The following PDE7B variants were observed in gnomAD, a reference collection of about 807,000 sequenced individuals.
The protein encoded by PDE7B is phosphodiesterase 7B, also known as 3',5'-cyclic-AMP phosphodiesterase 7B.
In PDE7B, 29 loss-of-function variants were observed where a neutral mutation model predicts 56.2. The ratio of observed to expected loss-of-function variants is 0.52; its 90% CI spans 0.38 to 0.70. The LOEUF is 0.70. Ranked by LOEUF, PDE7B falls within the 30% of genes least tolerant of loss-of-function variation. The probability of loss-of-function intolerance (pLI) is 0.00; values close to 1 mark genes in which losing one functional copy is unlikely to be tolerated. For missense variants in PDE7B, 490 were observed against 565.0 expected, an observed-to-expected ratio of 0.87 and a Z score of 1.35; for synonymous variants, 197 against 196.9, an observed-to-expected ratio of 1.00 and a Z score of 0.00.
chr6:135,973,900 C>T (rs1045666294), intron 2 of PDE7B, among the ~76,000 whole-genome samples: 1 of 152,180 alleles, frequency 6.6e-6, no homozygotes, highest in Non-Finnish European at 1.5e-5. Context: ...TCACCATCAG[C>T]TGCATGTGCT....
intron 8 of PDE7B, among the ~76,000 whole-genome samples, chr6:136,159,447 G>C (rs1778667396): frequency 6.6e-6 from 1 of 152,182 alleles, no homozygotes; most frequent in South Asian, 2.1e-4. Context: ...CCTTCTCTCA[G>C]CTATCTTAGG....
intron 2 of PDE7B, among the ~76,000 whole-genome samples, chr6:135,982,817 C>T (rs1775318529): frequency 1.3e-5 from 2 of 152,094 alleles, no homozygotes. Context: ...ATACTTCTGG[C>T]TCCTGGATAC....
intron 12 of PDE7B, among the ~76,000 whole-genome samples, chr6:136,188,941 G>C (rs1779181134): frequency 6.6e-6 from 1 of 152,140 alleles, no homozygotes; most frequent in South Asian, 2.1e-4. Context: ...TTGGGAAGTG[G>C]GGTGGCAGGG....
At chr6:135,896,814 TGCTCCTTCCTTCCA>T (rs576255273) in intron 1 of PDE7B, among the ~76,000 whole-genome samples, 209 of 152,248 alleles carry the variant, frequency 1.4e-3, no homozygotes, top group Non-Finnish European at 2.1e-3. Context: ...ACGATTCCAC[TGCTCCTTCCTTCCA>T]GCTCCTTCCT....
intron 2 of PDE7B, among the ~76,000 whole-genome samples, chr6:136,092,331 G>A (rs183764354): frequency 2.0e-5 from 3 of 152,156 alleles, no homozygotes; most frequent in Non-Finnish European, 4.4e-5. Flanking sequence ...AGGGATATTT[G>A]CAGATATGTT....
intron 2 of PDE7B, among the ~76,000 whole-genome samples, chr6:135,966,471 T>A (rs773856896): frequency 6.6e-6 from 1 of 152,012 alleles, no homozygotes; most frequent in Non-Finnish European, 1.5e-5. Flanking sequence ...GGCTCCAGAG[T>A]CTCTTTATGA....
intron 3 of PDE7B, among the ~76,000 whole-genome samples, chr6:136,111,845 T>C (rs1175443854): frequency 2.0e-5 from 3 of 152,296 alleles, no homozygotes; most frequent in Admixed American, 2.0e-4. Context: ...TTGAGTCAAG[T>C]TTTTCCCAGT....
chr6:135,994,024 T>A (rs183088059), intron 2 of PDE7B, among the ~76,000 whole-genome samples: 8 of 152,286 alleles, frequency 5.3e-5, no homozygotes, highest in Non-Finnish European at 8.8e-5. Flanking sequence ...TTCTCAGTTC[T>A]GTTTTTAAAC....
intron 2 of PDE7B, among the ~76,000 whole-genome samples, chr6:135,982,520 G>A (rs1056202390): frequency 1.1e-4 from 16 of 152,046 alleles, no homozygotes; most frequent in Non-Finnish European, 2.1e-4. Flanking sequence ...CTAAGGAAGG[G>A]GCAGTCTATG....
At chr6:136,131,129 C>T (rs1473149973) in intron 3 of PDE7B, among the ~76,000 whole-genome samples, 2 of 152,096 alleles carry the variant, frequency 1.3e-5, no homozygotes, top group African/African-American at 4.8e-5. Context: ...GGAGGCTTCC[C>T]AGTGTTCATC....
At chr6:136,063,273 A>C (rs1445094494) in intron 2 of PDE7B, among the ~76,000 whole-genome samples, 10 of 152,224 alleles carry the variant, frequency 6.6e-5, no homozygotes, top group Non-Finnish European at 5.9e-5. Context: ...CATCTGATTA[A>C]CCAGACCCAT....
In PDE7B at chr6:136,013,205, A is replaced by AT. The variant is rs139323636; in HGVS notation, c.82+65688dup. ...TCACTTCTCTAAGACAGGCCAAGGT[A>AT]TTTTTTTATGAATAACAAATTTTAC... On this transcript the variant is annotated intron_variant, in intron 2 of 12. Transcript: ENST00000308191. 8.5e-5 allele frequency among the ~76,000 whole-genome samples: 13 copies of AT among 152,266 alleles called. 1 individual carries two copies. Among genetic ancestry groups the AT allele is most frequent in the Admixed American group, 5.2e-4 (8 of 15,280 alleles).
intron 2 of PDE7B, among the ~76,000 whole-genome samples, chr6:136,037,032 C>T (rs985641690): frequency 6.6e-5 from 10 of 152,324 alleles, no homozygotes; most frequent in Admixed American, 5.2e-4. Flanking sequence ...AGACTAGGAA[C>T]AAGAGGCATG....
intron 1 of PDE7B, among the ~76,000 whole-genome samples, chr6:135,908,902 C>T (rs1383941631): frequency 1.3e-5 from 2 of 152,202 alleles, no homozygotes; most frequent in African/African-American, 2.4e-5. Flanking sequence ...AACGAAATCA[C>T]AGAGAATTTA....
At chr6:135,969,039 G>C (rs1380880107) in intron 2 of PDE7B, among the ~76,000 whole-genome samples, 1 of 152,172 alleles carries the variant, frequency 6.6e-6, no homozygotes, top group African/African-American at 2.4e-5. Context: ...TGCAGGAACA[G>C]AAAACCAAAC....
chr6:136,131,494 GTTT>G (rs1201361799), intron 3 of PDE7B, among the ~76,000 whole-genome samples: 18 of 84,682 alleles, frequency 2.1e-4, no homozygotes, highest in Admixed American at 7.5e-4. Flanking sequence ...ATCCTGGCAG[GTTT>G]TTTTTTTTTT....
At chr6:135,994,944 T>G (rs1451480026) in intron 2 of PDE7B, among the ~76,000 whole-genome samples, 1 of 152,186 alleles carries the variant, frequency 6.6e-6, no homozygotes, top group Non-Finnish European at 1.5e-5. Context: ...AGTTTTTATC[T>G]TTCCTCATGC....
chr6:136,072,188 C>T (rs532174108), intron 2 of PDE7B, among the ~76,000 whole-genome samples: 75 of 152,024 alleles, frequency 4.9e-4, no homozygotes, highest in Admixed American at 1.2e-3. Context: ...AAACACAGTT[C>T]CTGCCCTTAA....
intron 2 of PDE7B, among the ~76,000 whole-genome samples, chr6:136,003,112 A>G (rs1184131617): frequency 6.6e-6 from 1 of 152,220 alleles, no homozygotes; most frequent in Admixed American, 6.5e-5. Flanking sequence ...CTGGGTACAT[A>G]ACGAAATGAA....
Sources: gnomAD v4.1 joint callset for allele counts (sites outside exome capture counted in the v4.1 genomes callset) on GRCh38, gnomAD v4.1.1 for gene constraint, MANE v1.5 for transcripts, NCBI Gene and HGNC (gene_info 2026-07-23, HGNC 2026-07-21) for gene names.